The following TSNARE1 variants were observed in gnomAD, a reference collection of about 807,000 sequenced individuals.
TSNARE1 encodes the protein t-SNARE domain-containing protein 1.
A neutral mutation model predicts 62.0 loss-of-function variants in TSNARE1; 49 were observed. The ratio of observed to expected loss-of-function variants is 0.79; its 90% CI spans 0.63 to 1.00. TSNARE1 has a LOEUF of 1.00. Ranked by LOEUF, TSNARE1 falls within the 50% of genes least tolerant of loss-of-function variation. The pLI is 0.00. For missense variants in TSNARE1, 755 were observed against 700.1 expected (o/e 1.08, Z -0.88); for synonymous variants, 328 against 294.4 (o/e 1.11, Z -1.17).
chr8:142,217,225 C>G (rs1815881975), intron 13 of TSNARE1, among the ~76,000 whole-genome samples: 1 of 149,932 alleles, frequency 6.7e-6, no homozygotes, highest in Admixed American at 6.7e-5. Flanking sequence ...ACCTGGGCAA[C>G]AGAGCAAGAC....
chr8:142,352,829 G>A (rs927222244), intron 2 of TSNARE1, among the ~76,000 whole-genome samples: 3 of 152,202 alleles, frequency 2.0e-5, no homozygotes, highest in Non-Finnish European at 4.4e-5. Context: ...GAGGCAGGAG[G>A]GTAAAGGAGC....
In TSNARE1 at chr8:142,291,823, G is replaced by A. The variant is rs951672418; in HGVS notation, c.1291-7338C>T. Among the ~76,000 whole-genome samples, 32 of 152,174 alleles carry A rather than the reference G, an allele frequency of 2.1e-4. No homozygotes were observed. Among genetic ancestry groups the A allele is most frequent in the Admixed American group, 6.5e-4 (10 of 15,296 alleles). On this transcript the variant is annotated intron_variant, in intron 10 of 13. Coordinates refer to ENST00000524325, the MANE Select transcript of TSNARE1 (RefSeq NM_145003.5). This position sits in a 1 kb window ranked among gnomAD's most constrained non-coding sequence, Gnocchi z 4.8. ...TCAGGCATAGGGTGCTCTGGGCCTCGGGCAATAGGAACCAGGAGCAGGGGT... is the reference window on the plus strand; with the variant it reads ...TCAGGCATAGGGTGCTCTGGGCCTCAGGCAATAGGAACCAGGAGCAGGGGT...
intron 11 of TSNARE1, chr8:142,278,783 A>G: frequency 1.0e-6 from 1 of 985,382 alleles, no homozygotes. Flanking sequence ...GGACAGCACC[A>G]CGTGTGGGGC....
intron 11 of TSNARE1, chr8:142,275,996 T>G: frequency 5.1e-6 from 5 of 985,416 alleles, no homozygotes; most frequent in Non-Finnish European, 6.0e-6. Context: ...CCATGAGCCC[T>G]GCCTTCAGAA....
At chr8:142,339,138 G>A (rs1050465913) in intron 4 of TSNARE1, among the ~76,000 whole-genome samples, 1 of 152,134 alleles carries the variant, frequency 6.6e-6, no homozygotes, top group Non-Finnish European at 1.5e-5. Flanking sequence ...CCATGATGGT[G>A]CTTCAAAATC....
At position 142,251,515 on chromosome 8, in the gene TSNARE1, C is replaced by T. The variant is rs558096203; in HGVS notation, c.1447-21936G>A. Among the ~76,000 whole-genome samples, 6 of 152,264 alleles carry T rather than the reference C, an allele frequency of 3.9e-5. No homozygotes were observed. The East Asian group carries it at 5.8e-4, about 15-fold the overall frequency. Reference sequence around the variant, plus strand: ...AGAGGTTGTCCTCCCAGTTAGGGTGCGGCAGGCTCCTGTCCGTCCGAGCAG... The same window carrying T: ...AGAGGTTGTCCTCCCAGTTAGGGTGTGGCAGGCTCCTGTCCGTCCGAGCAG... On this transcript the variant is annotated intron_variant, in intron 12 of 13. Transcript: ENST00000524325.
At chr8:142,321,791 T>C (rs1352338060) in intron 6 of TSNARE1, among the ~76,000 whole-genome samples, 1 of 152,232 alleles carries the variant, frequency 6.6e-6, no homozygotes, top group African/African-American at 2.4e-5. Flanking sequence ...TCTATATGTA[T>C]GGCAGAAGTA....
At chr8:142,334,682 A>C (rs1403882303) in intron 4 of TSNARE1, among the ~76,000 whole-genome samples, 1 of 152,216 alleles carries the variant, frequency 6.6e-6, no homozygotes, top group African/African-American at 2.4e-5. Flanking sequence ...TGATAAAGAA[A>C]CCTGAAAAGT....
Position 142,284,421 on chromosome 8 carries a change from T to G in TSNARE1, c.1355A>C (p.Glu452Ala), listed in dbSNP as rs113323087. The change falls in exon 11 of 14, where the codon GAA becomes GCA. Residue 452 changes from glutamate to alanine, a missense_variant. Coordinates refer to ENST00000524325, the MANE Select transcript of TSNARE1 (RefSeq NM_145003.5). ...DLASMVSEQG[E>A]AVDSIEASLE... ...CTGGGGCGGGTACCCACCAACAGCT[T>G]CTCCTTGCTCTGACACCATGGAGGC... The G allele has an allele frequency of 8.9e-4, 1,432 of 1,613,200 alleles. 12 individuals are homozygous for G. The highest frequency in any genetic ancestry group is 1.2e-4 in the Non-Finnish European group (138 of 1,179,822).
At chr8:142,331,627 G>C in intron 5 of TSNARE1, 127 bp downstream of exon 5, 1 of 910,720 alleles carries the variant, frequency 1.1e-6, no homozygotes, top group Non-Finnish European at 1.7e-6. Context: ...GTGGACCCAC[G>C]AAACCCGGGA....
chr8:142,344,581 G>A (rs923583588), intron 3 of TSNARE1, 109 bp from the exon 4 acceptor site: 23 of 1,196,702 alleles, frequency 1.9e-5, no homozygotes, highest in African/African-American at 7.9e-5. Context: ...TTCAGGACAC[G>A]GCTGCCTGGT....
At chr8:142,385,896 A>G (rs1486172589) in intron 1 of TSNARE1, among the ~76,000 whole-genome samples, 1 of 152,120 alleles carries the variant, frequency 6.6e-6, no homozygotes, top group Non-Finnish European at 1.5e-5. Flanking sequence ...CTACTTGGAG[A>G]CTGGGAAAAT....
At chr8:142,257,418 A>G (rs1818640792) in intron 12 of TSNARE1, among the ~76,000 whole-genome samples, 1 of 152,132 alleles carries the variant, frequency 6.6e-6, no homozygotes, top group Non-Finnish European at 1.5e-5. Context: ...TGGACTGGAC[A>G]GGATGTCAGG....
In TSNARE1 at chr8:142,228,411, C is replaced by G. The variant is rs190165666; in HGVS notation, c.*11+1062G>C. ...CCTGTGCCCTGGGGACAGCCATGCT[C>G]CAGTGCCAGCCATGTGTCTCAGTAC... On this transcript the variant is annotated intron_variant, in intron 13 of 13. Coordinates refer to ENST00000524325, the MANE Select transcript of TSNARE1 (RefSeq NM_145003.5). Among the ~76,000 whole-genome samples the G allele has an allele frequency of 4.4e-4, 67 of 152,320 alleles. No homozygotes were observed. In the East Asian group the frequency reaches 0.013, roughly 29 times the overall value.
chr8:142,245,350 GC>G (rs145146053), intron 12 of TSNARE1, among the ~76,000 whole-genome samples: 2,653 of 152,322 alleles, frequency 0.017, 69 homozygotes, highest in African/African-American at 0.054. Flanking sequence ...GCTCGTCAGA[GC>G]AGCAGCCGAC....
intron 9 of TSNARE1, among the ~76,000 whole-genome samples, chr8:142,304,022 C>T (rs938038220): frequency 1.3e-5 from 2 of 152,390 alleles, no homozygotes; most frequent in Middle Eastern, 3.4e-3. Flanking sequence ...CTGCCCTAGC[C>T]AGGTTCTCCT....
chr8:142,290,227 C>G (rs566516336), intron 10 of TSNARE1, among the ~76,000 whole-genome samples: 16 of 151,534 alleles, frequency 1.1e-4, no homozygotes, highest in African/African-American at 3.6e-4. Context: ...GGGGCCTGCT[C>G]GAGGGGCTGG....
intron 12 of TSNARE1, among the ~76,000 whole-genome samples, chr8:142,236,556 T>C (rs1817434687): frequency 7.3e-6 from 1 of 137,784 alleles, no homozygotes; most frequent in African/African-American, 2.8e-5. Context: ...CTGATCCCCA[T>C]GTCCCCAGGC....
chr8:142,331,512 C>T (rs1831029982), intron 5 of TSNARE1, among the ~76,000 whole-genome samples: 1 of 151,756 alleles, frequency 6.6e-6, no homozygotes, highest in Admixed American at 6.6e-5. Context: ...GGTACCCGGC[C>T]CTGACCCAGC....
Sources: gnomAD v4.1 joint callset for allele counts (sites outside exome capture counted in the v4.1 genomes callset) on GRCh38, gnomAD v4.1.1 for gene constraint, Gnocchi (gnomAD v3.1) non-coding constraint, MANE v1.5 for transcripts, NCBI Gene and HGNC (gene_info 2026-07-23, HGNC 2026-07-21) for gene names.